Variants in GLI2 observed in about 807,000 individuals in gnomAD.
The protein encoded by GLI2 is GLI family zinc finger 2, also known as transcription activator GLI2.
Under a neutral mutation model 78.9 loss-of-function variants are expected in GLI2, and 22 were observed. The ratio of observed to expected loss-of-function variants is 0.28; its 90% CI spans 0.20 to 0.40. The LOEUF is 0.40. Among genes scored for constraint, GLI2 ranks in the 10% least tolerant of loss-of-function variants. The pLI is 1.00. For synonymous variants in GLI2, 974 were observed against 963.7 expected (o/e 1.01, Z -0.20); for missense variants, 2,097 against 2,213.2 (o/e 0.95, Z 1.05).
rs1312860613 is a variant in GLI2, at chr2:120,988,278, G to A, written c.2313G>A (p.Leu771=). 2 of 1,568,804 alleles carry A rather than the reference G, an allele frequency of 1.3e-6. No homozygotes were observed. The highest frequency in any genetic ancestry group is 1.7e-4 in the Middle Eastern group (1 of 5,858). The change falls in exon 14 of 14, where the codon CTG becomes CTA. Residue 771 remains leucine (L), a synonymous_variant. Transcript: ENST00000361492. ...CGGGGCTGCTGCCGAACCCGCGGCT[G>A]TCGGAGCTGTCCGCGAGCGAGGTGA... is the stretch of plus-strand genomic sequence containing the variant. ...GPAGLLPNPR[L]SELSASEVTM...
chr2:120,951,565 T>C (rs937684352), intron 4 of GLI2, 120 bp downstream of exon 4: 6 of 653,074 alleles, frequency 9.2e-6, no homozygotes, highest in South Asian at 2.1e-5. Flanking sequence ...GTGACCAGGC[T>C]GGCTGGCGTT....
chr2:120,847,261 G>A (rs903415807), intron 2 of GLI2, among the ~76,000 whole-genome samples: 4 of 151,918 alleles, frequency 2.6e-5, no homozygotes, highest in Admixed American at 1.3e-4. Context: ...GGCCCAAAAC[G>A]TTTTAATTTT....
At chr2:120,862,753 G>A (rs1687960895) in intron 2 of GLI2, among the ~76,000 whole-genome samples, 3 of 152,236 alleles carry the variant, frequency 2.0e-5, no homozygotes, top group South Asian at 2.1e-4. Context: ...GTGAGCGAGT[G>A]TGGGGTTAGC....
chr2:120,837,116 C>T (rs1313656834), intron 2 of GLI2, among the ~76,000 whole-genome samples: 6 of 152,108 alleles, frequency 3.9e-5, no homozygotes, highest in Non-Finnish European at 5.9e-5. Flanking sequence ...AATCTTAGGC[C>T]GGGCGCGGTG....
intron 2 of GLI2, among the ~76,000 whole-genome samples, chr2:120,916,946 G>T (rs1679130689): frequency 6.6e-6 from 1 of 152,192 alleles, no homozygotes; most frequent in African/African-American, 2.4e-5. Flanking sequence ...GTCGTTTCTG[G>T]TATCTTCTGG....
At chr2:120,938,527 A>T (rs779219323) in intron 3 of GLI2, among the ~76,000 whole-genome samples, 4 of 152,228 alleles carry the variant, frequency 2.6e-5, no homozygotes, top group African/African-American at 4.8e-5. Flanking sequence ...CTACCAAAAC[A>T]TCAGTGTTTA....
At chr2:120,922,277 C>T (rs2104849464) in intron 2 of GLI2, among the ~76,000 whole-genome samples, 1 of 152,356 alleles carries the variant, frequency 6.6e-6, no homozygotes, top group Non-Finnish European at 1.5e-5. Context: ...ATGGGGTCTT[C>T]TCTCTGAGGG....
chr2:120,852,457 G>T (rs1459969239), intron 2 of GLI2, among the ~76,000 whole-genome samples: 2 of 152,214 alleles, frequency 1.3e-5, no homozygotes, highest in African/African-American at 4.8e-5. Flanking sequence ...CTTTCCGACA[G>T]GACCCCCAGA....
intron 1 of GLI2, among the ~76,000 whole-genome samples, chr2:120,778,346 C>T (rs777824603): frequency 2.0e-5 from 3 of 152,204 alleles, no homozygotes; most frequent in Non-Finnish European, 4.4e-5. Context: ...CACAGCGTCC[C>T]TCCTTTCCTG....
chr2:120,919,093 C>A (rs1201242134), intron 2 of GLI2, among the ~76,000 whole-genome samples: 2 of 152,168 alleles, frequency 1.3e-5, no homozygotes, highest in Non-Finnish European at 2.9e-5. Flanking sequence ...GTATTTTGTG[C>A]CTAGGTCCTT....
At chr2:120,946,120 T>C (rs1215294020) in intron 3 of GLI2, among the ~76,000 whole-genome samples, 1 of 152,186 alleles carries the variant, frequency 6.6e-6, no homozygotes, top group Non-Finnish European at 1.5e-5. Context: ...TCCTGCACAC[T>C]TCCAGGCAGA....
chr2:120,931,224 T>A (rs966223587), intron 3 of GLI2, among the ~76,000 whole-genome samples: 10 of 152,242 alleles, frequency 6.6e-5, no homozygotes, highest in Non-Finnish European at 1.2e-4. Flanking sequence ...CAGGAGAGAC[T>A]CTTTGACATT....
intron 1 of GLI2, among the ~76,000 whole-genome samples, chr2:120,782,945 C>A (rs1558793557): frequency 6.6e-6 from 1 of 152,194 alleles, no homozygotes; most frequent in Non-Finnish European, 1.5e-5. Context: ...GCTCCCCTAC[C>A]TGGTGGGCTC....
At chr2:120,829,122 T>TCA (rs539190226) in intron 2 of GLI2, among the ~76,000 whole-genome samples, 1 of 151,834 alleles carries the variant, frequency 6.6e-6, no homozygotes, top group Non-Finnish European at 1.5e-5. Context: ...GCACTCACTG[T>TCA]CACACACACC....
chr2:120,861,916 T>A (rs1356667253), intron 2 of GLI2, among the ~76,000 whole-genome samples: 1 of 152,118 alleles, frequency 6.6e-6, no homozygotes, highest in Non-Finnish European at 1.5e-5. Flanking sequence ...CAGATTTCAA[T>A]GAGATGATCG....
intron 2 of GLI2, among the ~76,000 whole-genome samples, chr2:120,920,896 A>G (rs868325138): frequency 2.6e-4 from 14 of 53,422 alleles, no homozygotes; most frequent in African/African-American, 5.3e-4. Flanking sequence ...TTTTTCTTTT[A>G]CTTGAAAAAA....
chr2:120,776,430 C>T (rs1683678852), intron 1 of GLI2, among the ~76,000 whole-genome samples: 1 of 152,128 alleles, frequency 6.6e-6, no homozygotes, highest in African/African-American at 2.4e-5. Flanking sequence ...CTTGCTCTGG[C>T]GTGTTTGGTG....
At chr2:120,812,000 C>A (rs1240186755) in intron 2 of GLI2, among the ~76,000 whole-genome samples, 1 of 152,126 alleles carries the variant, frequency 6.6e-6, no homozygotes, top group Non-Finnish European at 1.5e-5. Context: ...GAGACACAGG[C>A]AAGTACCCAA....
At position 120,985,499 on chromosome 2, in the gene GLI2, T is replaced by G. The variant is rs574459872; in HGVS notation, c.1905+756T>G. Among the ~76,000 whole-genome samples the G allele has an allele frequency of 4.6e-5, 7 of 152,200 alleles. No individual in the cohort carries two copies. The South Asian group carries it at 1.0e-3, about 23-fold the overall frequency. ...GTCCTGAGGGTCAAACAGAAAAATG[T>G]GGGTGGCGCCATGGACAACACCTAG... is the stretch of plus-strand genomic sequence containing the variant. On this transcript the variant is annotated intron_variant, in intron 12 of 13. Transcript: ENST00000361492.
Sources: gnomAD v4.1 joint callset for allele counts (sites outside exome capture counted in the v4.1 genomes callset) on GRCh38, gnomAD v4.1.1 for gene constraint, MANE v1.5 for transcripts, NCBI Gene and HGNC (gene_info 2026-07-23, HGNC 2026-07-21) for gene names.